The following PRH1 variants were observed in gnomAD, a reference collection of about 807,000 sequenced individuals.
The protein encoded by PRH1 is proline rich protein HaeIII subfamily 1, also known as salivary acidic proline-rich phosphoprotein 1/2.
Under a neutral mutation model 7.9 loss-of-function variants are expected in PRH1, and 7 were observed. The ratio of observed to expected loss-of-function variants is 0.89; its 90% CI spans 0.50 to 1.67. The LOEUF (loss-of-function observed/expected upper bound fraction) is 1.67, where lower values mean the gene tolerates loss of function less well. PRH1 is among the 40% of genes most tolerant of loss of function. PRH1 has a pLI of 0.00. For synonymous variants in PRH1, 45 were observed against 80.8 expected (o/e 0.56, Z 2.38); for missense variants, 109 against 223.6 (o/e 0.49, Z 3.27).
At chr12:10,905,536 C>T (rs564352387) in intron 2 of PRH1, among the ~76,000 whole-genome samples, 3 of 152,108 alleles carry the variant, frequency 2.0e-5, no homozygotes, top group East Asian at 3.9e-4. Context: ...CGTCCTGGCA[C>T]CTGCCTGTAA....
chr12:11,090,767 G>A lies in PRH1; in HGVS notation n.124-43579C>T, dbSNP rs1470140135. Among the ~76,000 whole-genome samples the A allele has an allele frequency of 3.5e-5, 4 of 115,790 alleles. 1 individual carries two copies. Among genetic ancestry groups the A allele is most frequent in the African/African-American group, 1.2e-4 (4 of 34,568 alleles). The allele number at this position is 115,790 out of a possible 152,430, so 76.0% of individuals were successfully genotyped here. On this transcript the variant is annotated intron_variant and non_coding_transcript_variant, in intron 1 of 4. Coordinates refer to the PRH1 transcript ENST00000541977. ...ATTCATAATGGAATAAAACACCGAG[G>A]ATACATCCTCATTATTGATTTAGAA...
chr12:11,128,414 T>C (rs1946209302), intron 1 of PRH1, among the ~76,000 whole-genome samples: 1 of 152,126 alleles, frequency 6.6e-6, no homozygotes, highest in South Asian at 2.1e-4. Context: ...AGCTATGCTC[T>C]GAGACTCCAT....
At chr12:10,985,238 T>C (rs1939553116) in intron 1 of PRH1, among the ~76,000 whole-genome samples, 1 of 152,238 alleles carries the variant, frequency 6.6e-6, no homozygotes, top group Middle Eastern at 3.4e-3. Flanking sequence ...AATGACTTTT[T>C]TCTCAAATGT....
At chr12:10,922,818 A>ATTTTTTTTT (rs1338757664) in intron 2 of PRH1, among the ~76,000 whole-genome samples, 1 of 16,488 alleles carries the variant, frequency 6.1e-5, no homozygotes, top group Non-Finnish European at 1.7e-4. Flanking sequence ...TTTTCCATGA[A>ATTTTTTTTT]TTTTTTCTTT....
intron 1 of PRH1, among the ~76,000 whole-genome samples, chr12:11,087,580 GAC>G (rs1428684927): frequency 8.6e-6 from 1 of 116,570 alleles, no homozygotes; most frequent in African/African-American, 2.9e-5. Flanking sequence ...ATTATAGCAG[GAC>G]CAAAGGGAAG....
intron 2 of PRH1, among the ~76,000 whole-genome samples, chr12:10,936,342 C>G (rs918404288): frequency 1.3e-5 from 2 of 152,058 alleles, no homozygotes; most frequent in East Asian, 3.9e-4. Flanking sequence ...CAAAGAGAAG[C>G]TTTCTAAGAA....
At chr12:10,960,874 G>A (rs1346240412) in intron 2 of PRH1, among the ~76,000 whole-genome samples, 3 of 152,200 alleles carry the variant, frequency 2.0e-5, no homozygotes, top group African/African-American at 4.8e-5. Flanking sequence ...AAAGTAAACG[G>A]CATGTTTCCT....
chr12:11,168,609 C>G (rs1484696571), intron 1 of PRH1, among the ~76,000 whole-genome samples: 1 of 152,124 alleles, frequency 6.6e-6, no homozygotes, highest in Admixed American at 6.5e-5. Context: ...AGGTCTGACT[C>G]AGCTTGCTCT....
intron 3 of PRH1, among the ~76,000 whole-genome samples, chr12:10,881,439 A>G (rs1477974644): frequency 6.6e-6 from 1 of 152,256 alleles, no homozygotes; most frequent in Non-Finnish European, 1.5e-5. Flanking sequence ...ACAACCAAAC[A>G]ATAGAATAGT....
chr12:10,929,081 G>T (rs1950163831), intron 2 of PRH1, among the ~76,000 whole-genome samples: 2 of 152,170 alleles, frequency 1.3e-5, no homozygotes, highest in Admixed American at 1.3e-4. Context: ...AACCCTTCCT[G>T]CTAGGCTAGA....
Position 10,986,391 on chromosome 12 carries a change from T to G in PRH1, c.-125-12670A>C, listed in dbSNP as rs1591769084. ...CTTCCCAGTCATGTTTCCTTCATAT[T>G]CTTCTGCCCACATACTCTCATCCAT... On this transcript the variant is annotated intron_variant, in intron 1 of 3. Coordinates refer to the PRH1 transcript ENST00000539853. 6.2e-7 allele frequency: 1 copy of G among 1,614,080 alleles called. No individual in the cohort carries two copies. The highest frequency in any genetic ancestry group is 8.5e-7 in the Non-Finnish European group (1 of 1,180,008).
chr12:11,049,318 A>G (rs528528023), upstream of PRH1: 10 of 415,650 alleles, frequency 2.4e-5, no homozygotes, highest in Admixed American at 3.5e-4. Flanking sequence ...TGATTCCCTT[A>G]ATATCCAGAC....
At chr12:10,897,401 C>A (rs531170506) in intron 2 of PRH1, among the ~76,000 whole-genome samples, 8 of 151,708 alleles carry the variant, frequency 5.3e-5, no homozygotes, top group African/African-American at 1.9e-4. Flanking sequence ...GAATTGCCCC[C>A]AGTTGTTCAT....
At chr12:11,131,612 T>G (rs1236965194) in intron 1 of PRH1, among the ~76,000 whole-genome samples, 1 of 145,024 alleles carries the variant, frequency 6.9e-6, no homozygotes, top group Admixed American at 7.0e-5. Flanking sequence ...TTTTATATGC[T>G]TTTTTAAAAT....
At chr12:10,909,348 G>T in intron 2 of PRH1, 1 of 1,317,742 alleles carries the variant, frequency 7.6e-7, no homozygotes, top group Non-Finnish European at 1.1e-6. Context: ...GTTATTCACT[G>T]ATCTAAAATG....
At chr12:11,104,452 C>CGG (rs149403228) in intron 1 of PRH1, among the ~76,000 whole-genome samples, 1 of 14,730 alleles carries the variant, frequency 6.8e-5, no homozygotes, top group African/African-American at 1.6e-4. Flanking sequence ...CCTCTCACAT[C>CGG]TGTATTATTA....
chr12:10,999,016 C>G (rs1940445304), intron 1 of PRH1, among the ~76,000 whole-genome samples: 1 of 152,062 alleles, frequency 6.6e-6, no homozygotes, highest in Non-Finnish European at 1.5e-5. Flanking sequence ...CTGATCCAGC[C>G]TTAAATCGGC....
At chr12:11,057,614 T>A (rs2708384) in intron 1 of PRH1, among the ~76,000 whole-genome samples, 64,672 of 150,014 alleles carry the variant, frequency 0.43, 14,331 homozygotes, top group Non-Finnish European at 0.5. Context: ...GGGATGGTAG[T>A]CCTTTCTATA....
intron 1 of PRH1, among the ~76,000 whole-genome samples, chr12:11,058,723 C>T (rs1189040990): frequency 1.1e-5 from 1 of 92,740 alleles, no homozygotes; most frequent in South Asian, 3.9e-4. Context: ...ACTCTGTGCA[C>T]GTCTCTGACA....
Sources: gnomAD v4.1 joint callset for allele counts (sites outside exome capture counted in the v4.1 genomes callset) on GRCh38, gnomAD v4.1.1 for gene constraint, MANE v1.5 for transcripts, NCBI Gene and HGNC (gene_info 2026-07-23, HGNC 2026-07-21) for gene names.